HMGB1: variants seen among roughly 807,000 people sequenced by gnomAD.
The protein encoded by HMGB1 is high mobility group protein B1.
For synonymous variants in HMGB1, 81 were observed against 84.0 expected, an observed-to-expected ratio of 0.96 and a Z score of 0.19; for missense variants, 79 against 253.5, an observed-to-expected ratio of 0.31 and a Z score of 4.67.
chr13:30,543,570 G>A (rs1199874184), intron 1 of HMGB1: 1 of 152,236 alleles, frequency 6.6e-6, no homozygotes, highest in Non-Finnish European at 1.5e-5. Flanking sequence ...GCCCATCCAG[G>A]AGAGTACTCC....
chr13:30,543,117 G>GA (rs1868974526), intron 1 of HMGB1: 1 of 84,240 alleles, frequency 1.2e-5, no homozygotes, highest in African/African-American at 4.6e-5. Context: ...CCTGTTCCAG[G>GA]TTTTTTTTTT....
chr13:30,534,023 C>A (rs1888556726), intron 1 of HMGB1, among the ~76,000 whole-genome samples: 1 of 152,034 alleles, frequency 6.6e-6, no homozygotes, highest in Admixed American at 6.6e-5. Flanking sequence ...CACCACCACA[C>A]CCGGCTAATT....
intron 1 of HMGB1, among the ~76,000 whole-genome samples, chr13:30,480,744 C>A (rs532491191): frequency 6.6e-6 from 1 of 152,010 alleles, no homozygotes; most frequent in East Asian, 1.9e-4. Context: ...CCTTCCCTCG[C>A]TCCTTTTTCT....
intron 1 of HMGB1, among the ~76,000 whole-genome samples, chr13:30,564,001 T>A (rs1870074346): frequency 6.6e-6 from 1 of 152,236 alleles, no homozygotes; most frequent in Non-Finnish European, 1.5e-5. Flanking sequence ...TTTATTTTAA[T>A]AACTTCGTGG....
At chr13:30,478,123 T>C (rs1887140906) in intron 1 of HMGB1, among the ~76,000 whole-genome samples, 1 of 152,216 alleles carries the variant, frequency 6.6e-6, no homozygotes, top group South Asian at 2.1e-4. Context: ...AACTCTGCAT[T>C]GAACACACTC....
intron 1 of HMGB1, among the ~76,000 whole-genome samples, chr13:30,529,758 A>G (rs1888453930): frequency 6.6e-6 from 1 of 152,200 alleles, no homozygotes; most frequent in Non-Finnish European, 1.5e-5. Flanking sequence ...GGATGCTGAA[A>G]CAGCAGCCAT....
intron 1 of HMGB1, among the ~76,000 whole-genome samples, chr13:30,578,311 GGT>G (rs1240567604): frequency 6.7e-6 from 1 of 148,418 alleles, no homozygotes; most frequent in Non-Finnish European, 1.5e-5. Flanking sequence ...GTGACCTGTT[GGT>G]GTGTCTTTGT....
intron 1 of HMGB1, among the ~76,000 whole-genome samples, chr13:30,490,897 AG>A (rs1459035151): frequency 1.3e-5 from 2 of 152,324 alleles, no homozygotes; most frequent in African/African-American, 4.8e-5. Flanking sequence ...TCAGCAAAAA[AG>A]TAGCTCTAAT....
chr13:30,558,717 T>A (rs1869802742), intron 1 of HMGB1, among the ~76,000 whole-genome samples: 1 of 152,182 alleles, frequency 6.6e-6, no homozygotes, highest in African/African-American at 2.4e-5. Context: ...ATACTGCAAA[T>A]GTTGATCCTC....
At chr13:30,592,099 A>C (rs1171141524) in intron 1 of HMGB1, among the ~76,000 whole-genome samples, 2 of 152,126 alleles carry the variant, frequency 1.3e-5, no homozygotes, top group Non-Finnish European at 2.9e-5. Flanking sequence ...TTTGATTAAA[A>C]TATATTTTTA....
intron 1 of HMGB1, among the ~76,000 whole-genome samples, chr13:30,475,138 CT>C (rs71093064): frequency 0.16 from 4,113 of 25,728 alleles, 52 homozygotes; most frequent in Non-Finnish European, 0.17. Flanking sequence ...CTCTCTCTCT[CT>C]TTTTTTTTTT....
chr13:30,535,384 G>A (rs369153438), intron 1 of HMGB1, among the ~76,000 whole-genome samples: 13 of 152,298 alleles, frequency 8.5e-5, no homozygotes, highest in African/African-American at 3.1e-4. Context: ...GGAAAAAACT[G>A]TGTTTGCATA....
chr13:30,600,989 G>T (rs1950393846), intron 1 of HMGB1, among the ~76,000 whole-genome samples: 1 of 152,152 alleles, frequency 6.6e-6, no homozygotes, highest in South Asian at 2.1e-4. Flanking sequence ...AGTAACTGAA[G>T]ATCCACAAAA....
rs865974619 is a variant in HMGB1, at chr13:30,538,540, T to C, written c.-14-74846A>G. On this transcript the variant is annotated intron_variant, in intron 1 of 4. Coordinates refer to the HMGB1 transcript ENST00000405805. Reference sequence around the variant, plus strand: ...CTTTCTTTCCTTTCTTTCTTTCCTTTCTTTCTTTCTTTCTTTTTCTTTCTT... The same window carrying C: ...CTTTCTTTCCTTTCTTTCTTTCCTTCCTTTCTTTCTTTCTTTTTCTTTCTT... Among the ~76,000 whole-genome samples, 1,049 of 107,240 alleles carry C rather than the reference T, an allele frequency of 9.8e-3. 51 individuals carry two copies. The highest frequency in any genetic ancestry group is 0.027 in the African/African-American group (501 of 18,600). 70.4% of individuals were successfully genotyped at this position (107,240 alleles called of 152,430 possible).
chr13:30,496,629 A>AG (rs1293825887), intron 1 of HMGB1, among the ~76,000 whole-genome samples: 1 of 152,212 alleles, frequency 6.6e-6, no homozygotes, highest in Non-Finnish European at 1.5e-5. Flanking sequence ...AAGCCATCAA[A>AG]GGGGGAGATT....
intron 1 of HMGB1, among the ~76,000 whole-genome samples, chr13:30,494,536 T>C (rs371550354): frequency 6.6e-5 from 10 of 152,122 alleles, no homozygotes; most frequent in Non-Finnish European, 7.4e-5. Flanking sequence ...TAATTTTGTA[T>C]TTTTAGTAGA....
At chr13:30,472,853 CTTTT>C (rs11434170) in intron 1 of HMGB1, among the ~76,000 whole-genome samples, 2 of 144,616 alleles carry the variant, frequency 1.4e-5, no homozygotes, top group Admixed American at 6.9e-5. Context: ...ATACTGAAAA[CTTTT>C]TTTTTTTTTT....
At chr13:30,588,866 G>A (rs563148366) in intron 1 of HMGB1, among the ~76,000 whole-genome samples, 24 of 151,968 alleles carry the variant, frequency 1.6e-4, no homozygotes, top group African/African-American at 5.5e-4. Flanking sequence ...GCAGTGAGCC[G>A]ACATCGCGCC....
chr13:30,526,959 T>C (rs1409652134), intron 1 of HMGB1, among the ~76,000 whole-genome samples: 1 of 152,238 alleles, frequency 6.6e-6, no homozygotes, highest in Non-Finnish European at 1.5e-5. Context: ...AACCGCAGTG[T>C]TTTCCACACA....
Sources: allele counts gnomAD v4.1 joint callset (sites outside exome capture counted in the v4.1 genomes callset), GRCh38; gene constraint gnomAD v4.1.1; transcripts MANE v1.5; gene names NCBI Gene and HGNC (gene_info 2026-07-23, HGNC 2026-07-21).